RALYL: variants seen among roughly 807,000 people sequenced by gnomAD.
RALYL encodes RALY RNA binding protein like.
Under a neutral mutation model 35.1 loss-of-function variants are expected in RALYL, and 29 were observed. The observed-to-expected ratio is 0.83, with a 90% CI of 0.61 to 1.13. The LOEUF is 1.13. Ranked by LOEUF, RALYL falls within the 50% of genes most tolerant of loss-of-function variation. The pLI is 0.00. For synonymous variants in RALYL, 120 were observed against 127.6 expected (o/e 0.94, Z 0.40); for missense variants, 359 against 360.4 (o/e 1.00, Z 0.03).
chr8:84,328,989 T>C (rs1846333934), intron 1 of RALYL, among the ~76,000 whole-genome samples: 1 of 152,230 alleles, frequency 6.6e-6, no homozygotes, highest in Non-Finnish European at 1.5e-5. Flanking sequence ...TACCACATTT[T>C]ATTTATCCAG....
intron 1 of RALYL, among the ~76,000 whole-genome samples, chr8:84,194,346 A>ATT (rs145173519): frequency 7.3e-5 from 11 of 149,842 alleles, no homozygotes; most frequent in Non-Finnish European, 7.4e-5. Flanking sequence ...ACCAAAACAG[A>ATT]TTTTTTTTTT....
chr8:84,219,123 G>A (rs939574567), intron 1 of RALYL, among the ~76,000 whole-genome samples: 2 of 152,030 alleles, frequency 1.3e-5, no homozygotes, highest in Non-Finnish European at 2.9e-5. Context: ...TACTGATATG[G>A]TTATGCTTTG....
intron 2 of RALYL, among the ~76,000 whole-genome samples, chr8:84,603,688 G>A (rs953153165): frequency 3.3e-5 from 5 of 152,044 alleles, no homozygotes; most frequent in African/African-American, 9.7e-5. Context: ...CAAAGCAAGT[G>A]CAAACTTTAA....
At chr8:84,876,101 A>G (rs1262905596) in intron 7 of RALYL, among the ~76,000 whole-genome samples, 1 of 152,114 alleles carries the variant, frequency 6.6e-6, no homozygotes, top group Non-Finnish European at 1.5e-5. Flanking sequence ...AATTGCTCAA[A>G]TAGATGTGTG....
intron 1 of RALYL, among the ~76,000 whole-genome samples, chr8:84,323,909 G>A (rs1285075451): frequency 6.6e-6 from 1 of 152,052 alleles, no homozygotes; most frequent in Non-Finnish European, 1.5e-5. Context: ...ACTAGCATGT[G>A]TTAAAATATA....
intron 2 of RALYL, among the ~76,000 whole-genome samples, chr8:84,542,345 T>A (rs949857220): frequency 7.2e-5 from 11 of 152,144 alleles, no homozygotes; most frequent in Non-Finnish European, 1.6e-4. Context: ...ATAATATATG[T>A]TTCAGCATAT....
At chr8:84,232,991 T>C (rs1825705850) in intron 1 of RALYL, among the ~76,000 whole-genome samples, 1 of 152,092 alleles carries the variant, frequency 6.6e-6, no homozygotes, top group Non-Finnish European at 1.5e-5. Flanking sequence ...TCTTTTTTTC[T>C]TTTTTTAAAG....
At chr8:84,294,521 A>T (rs2132271717) in intron 1 of RALYL, among the ~76,000 whole-genome samples, 1 of 152,228 alleles carries the variant, frequency 6.6e-6, no homozygotes, top group South Asian at 2.1e-4. Context: ...TTGACTGGAA[A>T]ATTAATAATT....
intron 2 of RALYL, among the ~76,000 whole-genome samples, chr8:84,615,570 C>CTTTTTTTTTTTTTTTTTTTTTTTT (rs60428128): frequency 5.9e-5 from 4 of 67,366 alleles, no homozygotes; most frequent in Admixed American, 1.9e-4. Flanking sequence ...GAACTTTCGT[C>CTTTTTTTTTTTTTTTTTTTTTTTT]TTTTTTTTTT....
rs145664738 is a variant in RALYL, at chr8:84,818,739, T to C, written c.365+13937T>C. On this transcript the variant is annotated intron_variant, in intron 4 of 8. Coordinates refer to ENST00000521268, the MANE Select transcript of RALYL (RefSeq NM_173848.7). ...GATATTATCCAAAGTGAGCCACTTA[T>C]AAAGCAGTTGCAGAAGTTCAGGCAT... is the stretch of plus-strand genomic sequence containing the variant. 1.5e-3 allele frequency among the ~76,000 whole-genome samples: 228 copies of C among 152,298 alleles called. 1 individual carries two copies. The highest frequency in any genetic ancestry group is 5.2e-3 in the African/African-American group (216 of 41,568).
At chr8:84,661,593 G>GTT (rs555604416) in intron 2 of RALYL, among the ~76,000 whole-genome samples, 1 of 142,514 alleles carries the variant, frequency 7.0e-6, no homozygotes, top group Non-Finnish European at 1.5e-5. Flanking sequence ...TTTTGACATA[G>GTT]TTTTTTTTTT....
intron 1 of RALYL, among the ~76,000 whole-genome samples, chr8:84,329,089 G>GTGGAATGA (rs1382379635): frequency 1.3e-5 from 2 of 152,096 alleles, no homozygotes; most frequent in Non-Finnish European, 2.9e-5. Context: ...TATCTTTTTG[G>GTGGAATGA]TGGAATGATT....
chr8:84,424,139 G>C (rs1284342198), intron 1 of RALYL, among the ~76,000 whole-genome samples: 8 of 151,362 alleles, frequency 5.3e-5, no homozygotes, highest in Non-Finnish European at 3.0e-5. Context: ...ATATCATGCA[G>C]AGTGTTTTCC....
At chr8:84,265,130 C>T (rs567812732) in intron 1 of RALYL, among the ~76,000 whole-genome samples, 2 of 152,212 alleles carry the variant, frequency 1.3e-5, no homozygotes, top group Non-Finnish European at 2.9e-5. Context: ...TTTTCATAGT[C>T]CTTGTTGGTG....
rs2930066 is a variant in RALYL, at chr8:84,583,114, A to G, written c.256+53537A>G. On this transcript the variant is annotated intron_variant, in intron 2 of 8. Coordinates refer to ENST00000521268, the MANE Select transcript of RALYL (RefSeq NM_173848.7). ...TTCATTTTCCTGGTTCAAAACTGACACAACATTTTCTTTAACTTCTGATAA... is the reference window on the plus strand; with the variant it reads ...TTCATTTTCCTGGTTCAAAACTGACGCAACATTTTCTTTAACTTCTGATAA... 2.5e-3 allele frequency among the ~76,000 whole-genome samples: 374 copies of G among 152,242 alleles called. 1 individual carries two copies. Among genetic ancestry groups the G allele is most frequent in the Non-Finnish European group, 4.0e-3 (272 of 67,966 alleles).
At chr8:84,379,445 C>T (rs925749398) in intron 1 of RALYL, among the ~76,000 whole-genome samples, 4 of 151,774 alleles carry the variant, frequency 2.6e-5, no homozygotes, top group African/African-American at 9.7e-5. Flanking sequence ...GTAGTACTTT[C>T]TAGCATTCAT....
chr8:84,888,501 C>T (rs924844780), intron 8 of RALYL, among the ~76,000 whole-genome samples: 3 of 151,992 alleles, frequency 2.0e-5, no homozygotes, highest in East Asian at 1.9e-4. Flanking sequence ...AAATGATATG[C>T]GGGCAAATGT....
intron 1 of RALYL, among the ~76,000 whole-genome samples, chr8:84,452,961 G>A (rs944799048): frequency 4.6e-5 from 7 of 151,826 alleles, no homozygotes; most frequent in Non-Finnish European, 8.8e-5. Context: ...TGTTTACCTC[G>A]TTTGAATACA....
At chr8:84,423,306 G>T (rs1286680015) in intron 1 of RALYL, among the ~76,000 whole-genome samples, 6 of 150,482 alleles carry the variant, frequency 4.0e-5, no homozygotes, top group African/African-American at 1.5e-4. Flanking sequence ...TTATGTAATG[G>T]CCTTCTTTGT....
Sources: gnomAD v4.1 joint callset for allele counts (sites outside exome capture counted in the v4.1 genomes callset) on GRCh38, gnomAD v4.1.1 for gene constraint, MANE v1.5 for transcripts, NCBI Gene and HGNC (gene_info 2026-07-23, HGNC 2026-07-21) for gene names.